ZNF277: variants seen among roughly 807,000 people sequenced by gnomAD.
ZNF277 encodes nuclear receptor-interacting factor 4.
Under a neutral mutation model 60.7 loss-of-function variants are expected in ZNF277, and 55 were observed. The observed-to-expected ratio is 0.91, with a 90% CI of 0.73 to 1.13. The LOEUF (loss-of-function observed/expected upper bound fraction) is 1.13, where lower values mean the gene tolerates loss of function less well. Ranked by LOEUF, ZNF277 falls within the 50% of genes most tolerant of loss-of-function variation. The pLI is 0.00. For missense variants in ZNF277, 510 were observed against 523.0 expected (o/e 0.98, Z 0.24); for synonymous variants, 178 against 179.3 (o/e 0.99, Z 0.06).
rs138489628 is a variant in ZNF277, at chr7:112,318,211, A to G, written c.495A>G (p.Glu165=). The part of the protein sequence containing the change: ...LREILEQQQQ[E]RNDTNFHGVC... Reference sequence around the variant, plus strand: ...AAATTCTGGAACAACAGCAGCAAGAACGAAATGATACCAATTTTCATGGCG... The same window carrying G: ...AAATTCTGGAACAACAGCAGCAAGAGCGAAATGATACCAATTTTCATGGCG... The change falls in exon 5 of 12, where the codon GAA becomes GAG. Residue 165 remains glutamate (E), a synonymous_variant. Coordinates refer to ENST00000361822, the MANE Select transcript of ZNF277 (RefSeq NM_021994.3). 2.0e-3 allele frequency: 3,267 copies of G among 1,613,446 alleles called. 24 individuals carry two copies. The highest frequency in any genetic ancestry group is 2.2e-3 in the Non-Finnish European group (2,538 of 1,179,470).
intron 1 of ZNF277, among the ~76,000 whole-genome samples, chr7:112,240,240 G>C (rs938285508): frequency 3.3e-5 from 5 of 152,030 alleles, no homozygotes; most frequent in Non-Finnish European, 7.4e-5. Context: ...AAAATGACGG[G>C]ATATCAAAGA....
intron 1 of ZNF277, among the ~76,000 whole-genome samples, chr7:112,238,918 C>T (rs769854389): frequency 1.1e-4 from 17 of 151,956 alleles, no homozygotes; most frequent in South Asian, 2.1e-4. Flanking sequence ...CGACCTCATC[C>T]GGATGACATT....
At chr7:112,331,397 T>C (rs1013392944) in intron 7 of ZNF277, among the ~76,000 whole-genome samples, 9 of 152,210 alleles carry the variant, frequency 5.9e-5, no homozygotes, top group Admixed American at 5.9e-4. Context: ...ATGGGCATTT[T>C]TCTTAAGCAA....
chr7:112,211,786 C>G (rs1476685021), intron 1 of ZNF277, among the ~76,000 whole-genome samples: 5 of 152,186 alleles, frequency 3.3e-5, no homozygotes. Flanking sequence ...ATCCACTTAC[C>G]ATGTCACACT....
chr7:112,301,745 T>C (rs1329996926), intron 4 of ZNF277, among the ~76,000 whole-genome samples: 1 of 152,168 alleles, frequency 6.6e-6, no homozygotes, highest in African/African-American at 2.4e-5. Context: ...GGCTTTTCAA[T>C]TATAGTTAGT....
intron 2 of ZNF277, chr7:112,288,644 G>C (rs1217381913): frequency 6.5e-6 from 1 of 154,116 alleles, no homozygotes; most frequent in Admixed American, 6.5e-5. Flanking sequence ...CGATCTGGCT[G>C]TGACATCTGT....
At chr7:112,226,101 G>A (rs1822167845) in intron 1 of ZNF277, among the ~76,000 whole-genome samples, 1 of 152,076 alleles carries the variant, frequency 6.6e-6, no homozygotes, top group African/African-American at 2.4e-5. Flanking sequence ...TTTAATTTGG[G>A]AAATGCTAAT....
intron 1 of ZNF277, among the ~76,000 whole-genome samples, chr7:112,255,343 G>C (rs1230425660): frequency 6.6e-6 from 1 of 152,136 alleles, no homozygotes; most frequent in African/African-American, 2.4e-5. Context: ...TTAAGAGGCA[G>C]GTAGGATCCA....
rs1332328953 is a variant in ZNF277 at position 112,287,034 on chromosome 7, A to G, written c.253A>G (p.Ile85Val). 6.2e-7 allele frequency: 1 copy of G among 1,613,776 alleles called. No homozygotes were observed. Among genetic ancestry groups the G allele is most frequent in the Admixed American group, 1.7e-5 (1 of 59,994 alleles). Reference sequence around the variant, plus strand: ...GAAGCACATGATTATTGAGCATAAGATTGTCATAGCTGATGTCAAGTTGGT... The same window carrying G: ...GAAGCACATGATTATTGAGCATAAGGTTGTCATAGCTGATGTCAAGTTGGT... The part of the protein sequence containing the change: ...LLKHMIIEHK[I>V]VIADVKLVAD... Residue 85 changes from isoleucine to valine, a missense_variant, in exon 2 of 12, where the codon ATT becomes GTT. Transcript: ENST00000361822.
chr7:112,270,940 C>T (rs1791655542), intron 1 of ZNF277, among the ~76,000 whole-genome samples: 1 of 131,976 alleles, frequency 7.6e-6, no homozygotes, highest in Non-Finnish European at 1.6e-5. Flanking sequence ...AAAACATATC[C>T]CAGCCATACA....
intron 7 of ZNF277, among the ~76,000 whole-genome samples, chr7:112,335,755 A>G (rs1254654482): frequency 6.6e-6 from 1 of 152,200 alleles, no homozygotes; most frequent in Non-Finnish European, 1.5e-5. Context: ...ACAATGAACA[A>G]AGGCCATTAG....
At chr7:112,259,049 T>A (rs907368025) in intron 1 of ZNF277, among the ~76,000 whole-genome samples, 29 of 152,164 alleles carry the variant, frequency 1.9e-4, no homozygotes, top group Admixed American at 1.9e-3. Context: ...TTTTTGAAGT[T>A]CTCTTTTCTT....
intron 1 of ZNF277, among the ~76,000 whole-genome samples, chr7:112,272,780 C>T (rs1791703661): frequency 6.6e-6 from 1 of 152,190 alleles, no homozygotes; most frequent in African/African-American, 2.4e-5. Context: ...AGGCGTGAGC[C>T]ACTGTACCCG....
At chr7:112,240,430 T>G (rs1316114594) in intron 1 of ZNF277, among the ~76,000 whole-genome samples, 1 of 152,208 alleles carries the variant, frequency 6.6e-6, no homozygotes, top group Non-Finnish European at 1.5e-5. Flanking sequence ...TTGGATTGTT[T>G]GTAACACAAA....
intron 4 of ZNF277, among the ~76,000 whole-genome samples, chr7:112,303,376 T>G (rs568796483): frequency 3.3e-5 from 5 of 152,266 alleles, no homozygotes; most frequent in African/African-American, 1.2e-4. Context: ...AAAGAAAATC[T>G]GATTTCCTAT....
At chr7:112,270,837 A>G (rs1010053102) in intron 1 of ZNF277, among the ~76,000 whole-genome samples, 1 of 152,098 alleles carries the variant, frequency 6.6e-6, no homozygotes, top group Non-Finnish European at 1.5e-5. Flanking sequence ...TTTTCATTAG[A>G]ACAGTGGTTT....
intron 4 of ZNF277, among the ~76,000 whole-genome samples, chr7:112,307,140 C>T (rs1165175683): frequency 6.6e-6 from 1 of 152,086 alleles, no homozygotes; most frequent in African/African-American, 2.4e-5. Flanking sequence ...CATCAAAGGG[C>T]TTTTGTTCAT....
intron 2 of ZNF277, chr7:112,288,781 C>G (rs1050075458): frequency 1.3e-5 from 2 of 152,770 alleles, no homozygotes; most frequent in Non-Finnish European, 2.9e-5. Context: ...ACAACCATCT[C>G]CACTAGAAGA....
At chr7:112,341,760 G>A (rs1186457175) in intron 11 of ZNF277, among the ~76,000 whole-genome samples, 1 of 152,178 alleles carries the variant, frequency 6.6e-6, no homozygotes, top group Non-Finnish European at 1.5e-5. Context: ...TCCTCTGAGA[G>A]ACTGTGGGGT....
Sources: gnomAD v4.1 joint callset for allele counts (sites outside exome capture counted in the v4.1 genomes callset) on GRCh38, gnomAD v4.1.1 for gene constraint, MANE v1.5 for transcripts, NCBI Gene and HGNC (gene_info 2026-07-23, HGNC 2026-07-21) for gene names.